Variants in GPCPD1 observed in about 807,000 individuals in gnomAD.
The protein encoded by GPCPD1 is glycerophosphocholine phosphodiesterase GPCPD1.
Under a neutral mutation model 89.2 loss-of-function variants are expected in GPCPD1, and 29 were observed. The observed-to-expected ratio is 0.33, with a 90% CI of 0.24 to 0.44. GPCPD1 has a LOEUF of 0.44. Ranked by LOEUF, GPCPD1 falls within the 20% of genes least tolerant of loss-of-function variation. The pLI, the probability that GPCPD1 is intolerant of heterozygous loss-of-function variation, is 1.00. For synonymous variants in GPCPD1, 258 were observed against 266.3 expected, an observed-to-expected ratio of 0.97 and a Z score of 0.30; for missense variants, 594 against 808.9, an observed-to-expected ratio of 0.73 and a Z score of 3.22.
intron 2 of GPCPD1, among the ~76,000 whole-genome samples, chr20:5,599,158 T>C (rs1979948496): frequency 6.6e-6 from 1 of 152,192 alleles, no homozygotes; most frequent in South Asian, 2.1e-4. Context: ...CTTCCAATTT[T>C]AACAGACAAA....
chr20:5,570,426 C>CAAAA lies in GPCPD1; in HGVS notation c.1057-191_1057-188dup, dbSNP rs36030193. ...CAAAAGCACAGCTACTTTTTCCTGGCAAAAAAAAAAAAAAAAAAAAACGGA... is the reference window on the plus strand; with the variant it reads ...CAAAAGCACAGCTACTTTTTCCTGGCAAAAAAAAAAAAAAAAAAAAAAAAACGGA... On this transcript the variant is annotated intron_variant, in intron 11 of 19. Coordinates refer to ENST00000379019, the MANE Select transcript of GPCPD1 (RefSeq NM_019593.5). 4.7e-4 allele frequency among the ~76,000 whole-genome samples: 40 copies of CAAAA among 85,944 alleles called. 1 individual carries two copies. Among genetic ancestry groups the CAAAA allele is most frequent in the East Asian group, 1.0e-3 (3 of 2,900 alleles). The allele number at this position is 85,944 out of a possible 152,430, so 56.4% of individuals were successfully genotyped here. A position where few individuals can be genotyped will look rare whatever the true frequency, so the allele number is the denominator to read the frequency against.
chr20:5,582,375 C>T (rs1282873326), intron 6 of GPCPD1, among the ~76,000 whole-genome samples: 1 of 151,962 alleles, frequency 6.6e-6, no homozygotes, highest in Non-Finnish European at 1.5e-5. Context: ...GAAAAGATGT[C>T]AAATTCCTAT....
In GPCPD1 at chr20:5,558,112, G is replaced by A. The variant is rs1225462598; in HGVS notation, c.1669-7C>T. The A allele has an allele frequency of 6.5e-7, 1 of 1,548,954 alleles. No individual in the cohort carries two copies. Among genetic ancestry groups the A allele is most frequent in the Non-Finnish European group, 8.8e-7 (1 of 1,142,060 alleles). ...CAGTATGTACATTTATCCCCTAGAA[G>A]AAGAAAAATTAGTTGTGCATGAAAA... On this transcript the variant is annotated splice_polypyrimidine_tract_variant and splice_region_variant and intron_variant, in intron 18 of 19. Coordinates refer to ENST00000379019, the MANE Select transcript of GPCPD1 (RefSeq NM_019593.5).
chr20:5,580,293 C>A (rs1374918113), intron 6 of GPCPD1, among the ~76,000 whole-genome samples, 162 bp from the exon 7 acceptor site: 1 of 151,712 alleles, frequency 6.6e-6, no homozygotes, highest in Non-Finnish European at 1.5e-5. Flanking sequence ...GATTTGTTTC[C>A]TAAACCCCTG....
At chr20:5,581,480 T>G (rs890049288) in intron 6 of GPCPD1, among the ~76,000 whole-genome samples, 5 of 152,186 alleles carry the variant, frequency 3.3e-5, no homozygotes, top group Non-Finnish European at 7.4e-5. Flanking sequence ...AAGCGTCACT[T>G]TAGATATTCA....
chr20:5,573,384 C>A (rs1025457644), intron 11 of GPCPD1, among the ~76,000 whole-genome samples: 1 of 152,122 alleles, frequency 6.6e-6, no homozygotes, highest in African/African-American at 2.4e-5. Context: ...CTGTGCCCAG[C>A]CAGCATTCTT....
chr20:5,567,724 A>G lies in GPCPD1; in HGVS notation c.1150-164T>C, dbSNP rs1406708324. On this transcript the variant is annotated intron_variant, in intron 12 of 19. Coordinates refer to ENST00000379019, the MANE Select transcript of GPCPD1 (RefSeq NM_019593.5). ...AGTAGCCATACTGAGCCCATGCAGG[A>G]CAGCCCTTCTAACCTAACACCACCT... 2.6e-5 allele frequency: 16 copies of G among 614,384 alleles called. No individual in the cohort carries two copies. In the East Asian group the frequency reaches 3.5e-4, roughly 14 times the overall value. The allele number at this position is 614,384 out of a possible 1,614,324, so 38.1% of individuals were successfully genotyped here. A position where few individuals can be genotyped will look rare whatever the true frequency, so the allele number is the denominator to read the frequency against.
rs1276671867 is a variant in GPCPD1, at chr20:5,553,840, A to G, written c.1829+4105T>C. On this transcript the variant is annotated intron_variant, in intron 19 of 19. Coordinates refer to ENST00000379019, the MANE Select transcript of GPCPD1 (RefSeq NM_019593.5). Reference sequence around the variant, plus strand: ...GAAGTTGGTTCATGAAGTTTAAGGAAAAAGAAGCTGTCTCCATAACGTAAA... The same window carrying G: ...GAAGTTGGTTCATGAAGTTTAAGGAGAAAGAAGCTGTCTCCATAACGTAAA... Among the ~76,000 whole-genome samples, 4 of 152,256 alleles carry G rather than the reference A, an allele frequency of 2.6e-5. No homozygotes were observed. In the East Asian group the frequency reaches 7.7e-4, roughly 29 times the overall value.
chr20:5,575,596 C>A, intron 9 of GPCPD1, 51 bp from the exon 10 acceptor site: 1 of 1,217,094 alleles, frequency 8.2e-7, no homozygotes, highest in Non-Finnish European at 1.2e-6. Flanking sequence ...ATTAAAAGGG[C>A]CATTATGAGC....
chr20:5,555,878 G>T (rs1985735700), intron 19 of GPCPD1, among the ~76,000 whole-genome samples: 1 of 152,148 alleles, frequency 6.6e-6, no homozygotes, highest in East Asian at 1.9e-4. Flanking sequence ...AAATAAAAAA[G>T]ATGTTTTACT....
chr20:5,556,387 G>A (rs1453623740), intron 19 of GPCPD1, among the ~76,000 whole-genome samples: 1 of 152,096 alleles, frequency 6.6e-6, no homozygotes, highest in Non-Finnish European at 1.5e-5. Context: ...TGTATTTTTA[G>A]TAGAGACAGG....
intron 2 of GPCPD1, among the ~76,000 whole-genome samples, chr20:5,604,073 T>C (rs539175093): frequency 6.6e-6 from 1 of 152,258 alleles, no homozygotes; most frequent in South Asian, 2.1e-4. Flanking sequence ...TAGCAAAGTT[T>C]CCTTCATTTT....
At chr20:5,547,934 G>T in intron 19 of GPCPD1, 84 bp from the exon 20 acceptor site, 1 of 652,042 alleles carries the variant, frequency 1.5e-6, no homozygotes, top group Non-Finnish European at 2.5e-6. Context: ...CTTTTCATAA[G>T]AATTCATTTA....
chr20:5,569,741 C>G (rs1986600655), intron 12 of GPCPD1, among the ~76,000 whole-genome samples: 1 of 152,138 alleles, frequency 6.6e-6, no homozygotes, highest in South Asian at 2.1e-4. Flanking sequence ...CATCTAACTC[C>G]AAACCTCTTT....
intron 16 of GPCPD1, among the ~76,000 whole-genome samples, chr20:5,560,667 T>C (rs1356918114): frequency 3.9e-5 from 6 of 152,190 alleles, no homozygotes; most frequent in Non-Finnish European, 8.8e-5. Context: ...AGGGAAACCT[T>C]AGTCGAGAAT....
At chr20:5,579,897 A>G in intron 7 of GPCPD1, 111 bp downstream of exon 7, 1 of 643,662 alleles carries the variant, frequency 1.6e-6, no homozygotes, top group Non-Finnish European at 2.7e-6. Context: ...AGTTACTAGA[A>G]TATGTAACAT....
chr20:5,567,160 T>G (rs1986432940), intron 13 of GPCPD1, among the ~76,000 whole-genome samples: 1 of 152,140 alleles, frequency 6.6e-6, no homozygotes, highest in Admixed American at 6.5e-5. Flanking sequence ...ATAATGACCA[T>G]TATATGAAGA....
At position 5,590,513 on chromosome 20, in the gene GPCPD1, A is replaced by G. The variant is rs1979248124; in HGVS notation, c.231+2814T>C. 2.1e-5 allele frequency among the ~76,000 whole-genome samples: 3 copies of G among 145,212 alleles called. No homozygotes were observed. In the South Asian group the frequency reaches 6.6e-4, roughly 32 times the overall value. ...AGCCGAGATCGTGCCACTGCACTCC[A>G]GCCTGGGCGACAGAACAAGACTCTG... On this transcript the variant is annotated intron_variant, in intron 4 of 19. Coordinates refer to ENST00000379019, the MANE Select transcript of GPCPD1 (RefSeq NM_019593.5).
intron 7 of GPCPD1, among the ~76,000 whole-genome samples, chr20:5,579,695 CATT>C (rs1278988705): frequency 6.6e-6 from 1 of 152,194 alleles, no homozygotes; most frequent in African/African-American, 2.4e-5. Context: ...ACGCCCGACA[CATT>C]ATATCAATTT....
Sources: allele counts gnomAD v4.1 joint callset (sites outside exome capture counted in the v4.1 genomes callset), GRCh38; gene constraint gnomAD v4.1.1; transcripts MANE v1.5; gene names NCBI Gene and HGNC (gene_info 2026-07-23, HGNC 2026-07-21).